ALDH6A1: variants seen among roughly 807,000 people sequenced by gnomAD.
The protein encoded by ALDH6A1 is aldehyde dehydrogenase 6 family member A1.
ALDH6A1 carries 43 observed loss-of-function variants against 62.6 expected under a neutral mutation model. The ratio of observed to expected loss-of-function variants is 0.69; its 90% CI spans 0.54 to 0.89. ALDH6A1 has a LOEUF of 0.89. Ranked by LOEUF, ALDH6A1 falls within the 40% of genes least tolerant of loss-of-function variation. ALDH6A1 has a pLI of 0.00. For synonymous variants in ALDH6A1, 194 were observed against 234.2 expected, an observed-to-expected ratio of 0.83 and a Z score of 1.57; for missense variants, 551 against 661.3, an observed-to-expected ratio of 0.83 and a Z score of 1.83.
chr14:74,063,131 T>G (rs935201024), intron 11 of ALDH6A1, among the ~76,000 whole-genome samples: 2 of 152,162 alleles, frequency 1.3e-5, no homozygotes, highest in African/African-American at 4.8e-5. Context: ...TGTGCCATGC[T>G]TCTTCCTGCC....
chr14:74,083,860 C>T (rs184250421), intron 1 of ALDH6A1, among the ~76,000 whole-genome samples: 93 of 152,304 alleles, frequency 6.1e-4, no homozygotes, highest in African/African-American at 2.2e-3. Flanking sequence ...CCTCGCCCCT[C>T]GCGTCCCCCC....
intron 6 of ALDH6A1, 139 bp downstream of exon 6, chr14:74,071,056 T>C: frequency 5.6e-6 from 5 of 899,916 alleles, no homozygotes; most frequent in Non-Finnish European, 9.0e-6. Flanking sequence ...GGCAAAATCA[T>C]CAACAAACAT....
intron 6 of ALDH6A1, chr14:74,070,958 C>A (rs1355669946): frequency 3.6e-6 from 2 of 550,296 alleles, no homozygotes; most frequent in South Asian, 2.0e-5. Context: ...CTGTGTCTAG[C>A]CCTAATCCAT....
chr14:74,064,449 G>A (rs1181171731), intron 11 of ALDH6A1, among the ~76,000 whole-genome samples: 2 of 152,084 alleles, frequency 1.3e-5, no homozygotes, highest in African/African-American at 4.8e-5. Context: ...CTGAGGGAGG[G>A]GTGGTGGTAG....
At chr14:74,075,997 T>G (rs552844782) in intron 1 of ALDH6A1, among the ~76,000 whole-genome samples, 1 of 152,204 alleles carries the variant, frequency 6.6e-6, no homozygotes, top group Non-Finnish European at 1.5e-5. Context: ...TGTATGATTC[T>G]ACTTATGTAA....
At chr14:74,080,295 C>T (rs146182640) in intron 1 of ALDH6A1, among the ~76,000 whole-genome samples, 2 of 152,090 alleles carry the variant, frequency 1.3e-5, no homozygotes, top group African/African-American at 4.8e-5. Context: ...CAGTCTATAC[C>T]ATCATTGTCT....
intron 6 of ALDH6A1, 177 bp downstream of exon 6, chr14:74,071,018 C>A: frequency 2.9e-6 from 2 of 682,482 alleles, no homozygotes; most frequent in East Asian, 2.6e-5. Flanking sequence ...CTGCTATTCC[C>A]CAATCAGTTA....
intron 1 of ALDH6A1, among the ~76,000 whole-genome samples, chr14:74,083,872 C>T (rs908748553): frequency 5.9e-5 from 9 of 152,292 alleles, no homozygotes; most frequent in East Asian, 5.8e-4. Flanking sequence ...CGTCCCCCCT[C>T]CCCCTTACCT....
chr14:74,072,821 G>A (rs1311689361), intron 2 of ALDH6A1, among the ~76,000 whole-genome samples: 4 of 151,854 alleles, frequency 2.6e-5, no homozygotes, highest in Non-Finnish European at 4.4e-5. Flanking sequence ...TTTTGAGACA[G>A]AGTTTCGCTC....
At chr14:74,066,343 G>A (rs2060464658) in intron 9 of ALDH6A1, among the ~76,000 whole-genome samples, 1 of 152,110 alleles carries the variant, frequency 6.6e-6, no homozygotes, top group African/African-American at 2.4e-5. Context: ...TATATAAAAT[G>A]ATATGAAATT....
chr14:74,072,626 C>A lies in ALDH6A1; in HGVS notation c.112-15G>T, dbSNP rs752587472. ...TTTACAGTTGGCTGAAAAAAACAAA[C>A]AAACAAACAAACAAACAAAAACATG... On this transcript the variant is annotated splice_polypyrimidine_tract_variant and intron_variant, in intron 2 of 11. Transcript: ENST00000553458. 1.4e-4 allele frequency: 232 copies of A among 1,602,706 alleles called. No individual in the cohort carries two copies. Among genetic ancestry groups the A allele is most frequent in the East Asian group, 6.8e-4 (30 of 44,080 alleles).
chr14:74,074,932 A>G, intron 2 of ALDH6A1, 23 bp downstream of exon 2: 1 of 1,611,572 alleles, frequency 6.2e-7, no homozygotes, highest in Non-Finnish European at 8.5e-7. Context: ...TCAGAAGTCA[A>G]CCTCTATGCC....
intron 11 of ALDH6A1, among the ~76,000 whole-genome samples, chr14:74,062,787 T>A (rs1411848408): frequency 1.3e-5 from 2 of 151,828 alleles, no homozygotes; most frequent in Non-Finnish European, 2.9e-5. Context: ...CCTCGCCCTG[T>A]GGCAGCACAT....
Position 74,057,494 on chromosome 14 carries a change from G to A in ALDH6A1, c.*3148C>T. On this transcript the variant is annotated 3_prime_UTR_variant, in exon 12 of 12. Coordinates refer to ENST00000553458, the MANE Select transcript of ALDH6A1 (RefSeq NM_005589.4). ...CTTTTTGTGTAGAAACCTATAGGTT[G>A]CCTTTTGAAGTAAACAGCCTAGCCA... 3 of 1,398,626 alleles carry A rather than the reference G, an allele frequency of 2.1e-6. No homozygotes were observed. The highest frequency in any genetic ancestry group is 2.8e-6 in the Non-Finnish European group (3 of 1,075,278). The allele number at this position is 1,398,626 out of a possible 1,614,324, so 86.6% of individuals were successfully genotyped here.
At chr14:74,081,883 C>T (rs759826743) in intron 1 of ALDH6A1, among the ~76,000 whole-genome samples, 35 of 152,214 alleles carry the variant, frequency 2.3e-4, no homozygotes, top group African/African-American at 7.7e-4. Context: ...ACCATATCAC[C>T]GACAGTGCAA....
chr14:74,059,655 ATTGCAC>A lies in ALDH6A1; in HGVS notation c.*981_*986del, dbSNP rs1401210266. 1 of 194,268 alleles carries A rather than the reference ATTGCAC, an allele frequency of 5.1e-6. No homozygotes were observed. The highest frequency in any genetic ancestry group is 1.1e-5 in the Non-Finnish European group (1 of 94,016). 12.0% of individuals were successfully genotyped at this position (194,268 alleles called of 1,614,324 possible). On this transcript the variant is annotated 3_prime_UTR_variant, in exon 12 of 12. Transcript: ENST00000553458. ...GGTTGCGGTGAGCTGAGATCACGCC[ATTGCAC>A]TCCAGCCTGGGCAACAAGAGTGAAA...
At chr14:74,075,124 T>G in intron 1 of ALDH6A1, 107 bp from the exon 2 acceptor site, 1 of 988,814 alleles carries the variant, frequency 1.0e-6, no homozygotes, top group Non-Finnish European at 1.6e-6. Flanking sequence ...GGGGGTATGT[T>G]TCTCTCAAAG....
chr14:74,083,282 T>C (rs1226259381), intron 1 of ALDH6A1, among the ~76,000 whole-genome samples: 1 of 152,246 alleles, frequency 6.6e-6, no homozygotes, highest in African/African-American at 2.4e-5. Context: ...CTGGATGTAA[T>C]GAATAAGAAC....
chr14:74,057,387 T>C lies in ALDH6A1; in HGVS notation c.*3255A>G, dbSNP rs1327928344. On this transcript the variant is annotated 3_prime_UTR_variant, in exon 12 of 12. Coordinates refer to ENST00000553458, the MANE Select transcript of ALDH6A1 (RefSeq NM_005589.4). ...AGGGATCAGTGGAATGAGTAATAAATAGCATTAGTAGATTACATAAATTTT... is the reference window on the plus strand; with the variant it reads ...AGGGATCAGTGGAATGAGTAATAAACAGCATTAGTAGATTACATAAATTTT... The C allele has an allele frequency of 3.9e-6, 6 of 1,542,786 alleles. No homozygotes were observed. Among genetic ancestry groups the C allele is most frequent in the South Asian group, 1.2e-5 (1 of 83,882 alleles).
Sources: allele counts gnomAD v4.1 joint callset (sites outside exome capture counted in the v4.1 genomes callset), GRCh38; gene constraint gnomAD v4.1.1; transcripts MANE v1.5; gene names NCBI Gene and HGNC (gene_info 2026-07-23, HGNC 2026-07-21).